The following TOX variants were observed in gnomAD, a reference collection of about 807,000 sequenced individuals.
TOX encodes the protein thymocyte selection associated high mobility group box, also known as thymocyte selection-associated high mobility group box protein TOX.
A neutral mutation model predicts 53.7 loss-of-function variants in TOX; 11 were observed. The observed-to-expected ratio is 0.20, with a 90% CI of 0.13 to 0.34. The LOEUF (loss-of-function observed/expected upper bound fraction) is 0.34, where lower values mean the gene tolerates loss of function less well. Among genes scored for constraint, TOX ranks in the 10% least tolerant of loss-of-function variants. The pLI is 1.00. For synonymous variants in TOX, 225 were observed against 245.3 expected, an observed-to-expected ratio of 0.92 and a Z score of 0.77; for missense variants, 570 against 664.6, an observed-to-expected ratio of 0.86 and a Z score of 1.56.
rs35347981 is a variant in TOX, at chr8:58,838,699, C to CTTTTTTTTT, written c.694-397_694-389dup. On this transcript the variant is annotated intron_variant, in intron 4 of 8. Transcript: ENST00000361421. Reference sequence around the variant, plus strand: ...TTTCTTCTAAGGAAGTTATCCTTGTCTTTTTTTTTTTTTTTTTTTTTGAGA... The same window carrying CTTTTTTTTT: ...TTTCTTCTAAGGAAGTTATCCTTGTCTTTTTTTTTTTTTTTTTTTTTTTTTTTTTTGAGA... Among the ~76,000 whole-genome samples, 239 of 88,856 alleles carry CTTTTTTTTT rather than the reference C, an allele frequency of 2.7e-3. 36 individuals are homozygous for CTTTTTTTTT. The highest frequency in any genetic ancestry group is 0.013 in the African/African-American group (210 of 16,708). The allele number at this position is 88,856 out of a possible 152,430, so 58.3% of individuals were successfully genotyped here.
chr8:58,837,245 T>G (rs1012800773), intron 5 of TOX, among the ~76,000 whole-genome samples: 1 of 152,226 alleles, frequency 6.6e-6, no homozygotes, highest in East Asian at 1.9e-4. Flanking sequence ...CTGCAATGGC[T>G]AAAACTGCAC....
chr8:58,959,923 G>A lies in TOX; in HGVS notation c.168+20C>T, dbSNP rs1336763736. ...TTTAATTACAATTTGAAACAAGGCAGAGAAGATTAATTAACCCACCTGGCT... is the reference window on the plus strand; with the variant it reads ...TTTAATTACAATTTGAAACAAGGCAAAGAAGATTAATTAACCCACCTGGCT... On this transcript the variant is annotated intron_variant, in intron 2 of 8. Coordinates refer to ENST00000361421, the MANE Select transcript of TOX (RefSeq NM_014729.3). 8 of 1,613,806 alleles carry A rather than the reference G, an allele frequency of 5.0e-6. No homozygotes were observed. The highest frequency in any genetic ancestry group is 6.8e-6 in the Non-Finnish European group (8 of 1,179,722).
chr8:58,903,043 C>T (rs1220172581), intron 3 of TOX, among the ~76,000 whole-genome samples: 1 of 152,190 alleles, frequency 6.6e-6, no homozygotes, highest in Non-Finnish European at 1.5e-5. Flanking sequence ...AAACAATACT[C>T]TTTACCATTA....
chr8:59,092,103 T>G (rs775466656), intron 1 of TOX, among the ~76,000 whole-genome samples: 27 of 150,092 alleles, frequency 1.8e-4, no homozygotes, highest in Non-Finnish European at 7.4e-5. Flanking sequence ...TACAAAAAAA[T>G]TAGCTGGGAA....
intron 4 of TOX, among the ~76,000 whole-genome samples, chr8:58,850,943 G>C (rs1437926308): frequency 6.6e-6 from 1 of 152,118 alleles, no homozygotes; most frequent in East Asian, 1.9e-4. Flanking sequence ...TTCCTATTCA[G>C]ATAACTTAAA....
chr8:58,994,299 G>A (rs996150582), intron 1 of TOX, among the ~76,000 whole-genome samples: 2 of 152,038 alleles, frequency 1.3e-5, no homozygotes, highest in Non-Finnish European at 2.9e-5. Flanking sequence ...CTTGCATAAT[G>A]AGAATGACTA....
chr8:58,938,852 C>T lies in TOX; in HGVS notation c.411+450G>A, dbSNP rs146978360. 6.3e-3 allele frequency among the ~76,000 whole-genome samples: 962 copies of T among 152,238 alleles called. 13 individuals are homozygous for T. The highest frequency in any genetic ancestry group is 0.022 in the African/African-American group (923 of 41,530). On this transcript the variant is annotated intron_variant, in intron 3 of 8. Transcript: ENST00000361421. The stretch of plus-strand genomic sequence containing the variant: ...AATAAAACTGAAAAATTTTTTCTTA[C>T]CTTCCTATGGTATACATTTGTGGAA...
At chr8:59,115,307 T>A (rs534750892) in intron 1 of TOX, among the ~76,000 whole-genome samples, 1 of 152,156 alleles carries the variant, frequency 6.6e-6, no homozygotes, top group African/African-American at 2.4e-5. Flanking sequence ...ACACATCACA[T>A]CGTTGTAAAA....
chr8:58,864,025 G>A (rs769451483), intron 3 of TOX, among the ~76,000 whole-genome samples: 4 of 151,838 alleles, frequency 2.6e-5, no homozygotes, highest in Admixed American at 6.6e-5. Flanking sequence ...ATTTAACTCC[G>A]GAGGCAATAT....
At chr8:58,878,188 A>C (rs1316677) in intron 3 of TOX, among the ~76,000 whole-genome samples, 30,969 of 151,610 alleles carry the variant, frequency 0.2, 3,524 homozygotes, top group African/African-American at 0.29. Context: ...CAATGACTCA[A>C]AGTTAGGTGG....
At chr8:58,895,784 A>C (rs1811634819) in intron 3 of TOX, among the ~76,000 whole-genome samples, 1 of 152,198 alleles carries the variant, frequency 6.6e-6, no homozygotes, top group Non-Finnish European at 1.5e-5. Flanking sequence ...ACCACCAGAG[A>C]GGCAGACTGG....
At chr8:59,065,921 T>G (rs1270259258) in intron 1 of TOX, among the ~76,000 whole-genome samples, 1 of 152,104 alleles carries the variant, frequency 6.6e-6, no homozygotes, top group Non-Finnish European at 1.5e-5. Flanking sequence ...ATAACATGCG[T>G]CCATGATTTA....
chr8:58,927,184 T>G (rs1397470310), intron 3 of TOX, among the ~76,000 whole-genome samples: 1 of 152,208 alleles, frequency 6.6e-6, no homozygotes, highest in Non-Finnish European at 1.5e-5. Flanking sequence ...CTACTCATTC[T>G]CTTTTATTAT....
intron 5 of TOX, among the ~76,000 whole-genome samples, chr8:58,829,049 C>A (rs1306047768): frequency 2.0e-5 from 3 of 152,176 alleles, no homozygotes; most frequent in African/African-American, 7.2e-5. Context: ...TGGTTCATAG[C>A]ATTGCCCACA....
At chr8:58,975,271 CAGAGAGAG>C (rs373607496) in intron 1 of TOX, among the ~76,000 whole-genome samples, 2 of 149,020 alleles carry the variant, frequency 1.3e-5, no homozygotes, top group African/African-American at 2.5e-5. Flanking sequence ...CACCCCCACA[CAGAGAGAG>C]AGAGAGAGAG....
chr8:59,063,226 G>A (rs1381942336), intron 1 of TOX, among the ~76,000 whole-genome samples: 2 of 152,072 alleles, frequency 1.3e-5, no homozygotes, highest in Non-Finnish European at 2.9e-5. Context: ...CTGTGCATAT[G>A]GGCTAATTCA....
intron 1 of TOX, among the ~76,000 whole-genome samples, chr8:59,093,001 G>C (rs1243121609): frequency 6.6e-6 from 1 of 151,922 alleles, no homozygotes; most frequent in African/African-American, 2.4e-5. Flanking sequence ...GGTGGCAAGG[G>C]GGATCCCAAC....
At chr8:58,815,863 T>C in intron 6 of TOX, 139 bp from the exon 7 acceptor site, 1 of 906,778 alleles carries the variant, frequency 1.1e-6, no homozygotes, top group Non-Finnish European at 1.6e-6. Context: ...ATCTAAGAAT[T>C]TCTTCACCAT....
chr8:59,024,591 C>T (rs1397489490), intron 1 of TOX, among the ~76,000 whole-genome samples: 2 of 152,108 alleles, frequency 1.3e-5, no homozygotes, highest in African/African-American at 4.8e-5. Context: ...GCCAGCAGCC[C>T]TCTTTATAAT....
Sources: allele counts gnomAD v4.1 joint callset (sites outside exome capture counted in the v4.1 genomes callset), GRCh38; gene constraint gnomAD v4.1.1; transcripts MANE v1.5; gene names NCBI Gene and HGNC (gene_info 2026-07-23, HGNC 2026-07-21).